Variants in DLG2 observed in about 807,000 individuals in gnomAD.
The protein encoded by DLG2 is disks large homolog 2.
DLG2 carries 45 observed loss-of-function variants against 132.5 expected under a neutral mutation model. The observed-to-expected ratio is 0.34, with a 90% CI of 0.27 to 0.44. The LOEUF is 0.44. Among genes scored for constraint, DLG2 ranks in the 20% least tolerant of loss-of-function variants. DLG2 has a pLI of 1.00. For missense variants in DLG2, 1,045 were observed against 1,196.9 expected, an observed-to-expected ratio of 0.87 and a Z score of 1.87; for synonymous variants, 424 against 419.6, an observed-to-expected ratio of 1.01 and a Z score of -0.13.
chr11:84,620,620 T>C (rs1041214049), intron 6 of DLG2, among the ~76,000 whole-genome samples: 2 of 152,086 alleles, frequency 1.3e-5, no homozygotes, highest in African/African-American at 4.8e-5. Context: ...AATAAAGATA[T>C]TTTTAAAACC....
chr11:85,323,712 G>A (rs1045076119), intron 3 of DLG2, among the ~76,000 whole-genome samples: 12 of 152,126 alleles, frequency 7.9e-5, no homozygotes, highest in Non-Finnish European at 1.5e-4. Flanking sequence ...CCTTCAGGAG[G>A]TGAACTTTTT....
At chr11:84,909,279 T>A (rs1221837081) in intron 6 of DLG2, among the ~76,000 whole-genome samples, 2 of 152,192 alleles carry the variant, frequency 1.3e-5, no homozygotes, top group African/African-American at 2.4e-5. Flanking sequence ...TCCCTTGATC[T>A]TTAAACAGAG....
intron 3 of DLG2, among the ~76,000 whole-genome samples, chr11:85,500,906 T>A (rs2153127422): frequency 1.3e-5 from 2 of 152,324 alleles, no homozygotes; most frequent in Non-Finnish European, 2.9e-5. Flanking sequence ...TTCACAGAAT[T>A]GGAAAAAAAT....
chr11:83,972,427 A>G (rs898594150), intron 12 of DLG2, among the ~76,000 whole-genome samples: 4 of 152,190 alleles, frequency 2.6e-5, no homozygotes, highest in Admixed American at 2.6e-4. Context: ...AGCCATAATC[A>G]GACATCATGC....
intron 11 of DLG2, among the ~76,000 whole-genome samples, chr11:84,054,622 T>C (rs748289613): frequency 6.6e-6 from 1 of 152,074 alleles, no homozygotes; most frequent in Non-Finnish European, 1.5e-5. Context: ...ACCAATGAGA[T>C]GATTGATTCT....
intron 4 of DLG2, among the ~76,000 whole-genome samples, chr11:85,231,731 T>C (rs752586655): frequency 2.0e-5 from 3 of 151,882 alleles, no homozygotes; most frequent in Admixed American, 6.6e-5. Flanking sequence ...TTAGGGGATG[T>C]CTAAGGCAAT....
At chr11:83,492,074 T>G (rs980102070) in intron 21 of DLG2, among the ~76,000 whole-genome samples, 1 of 152,052 alleles carries the variant, frequency 6.6e-6, no homozygotes, top group Non-Finnish European at 1.5e-5. Context: ...GCAGCAAAGA[T>G]CAGATGGCCT....
intron 11 of DLG2, among the ~76,000 whole-genome samples, chr11:84,012,149 T>C (rs2514158): frequency 0.061 from 9,261 of 152,234 alleles, 365 homozygotes; most frequent in Admixed American, 0.12. Context: ...CTGCTAATGC[T>C]ATATTTTGAA....
intron 6 of DLG2, among the ~76,000 whole-genome samples, chr11:84,873,514 C>G (rs1223856218): frequency 6.6e-6 from 1 of 152,114 alleles, no homozygotes; most frequent in Non-Finnish European, 1.5e-5. Context: ...ATATATTTAC[C>G]AAAGCCTTGA....
intron 19 of DLG2, among the ~76,000 whole-genome samples, chr11:83,576,415 C>T (rs1237665273): frequency 1.3e-5 from 2 of 151,944 alleles, no homozygotes; most frequent in African/African-American, 2.4e-5. Context: ...ATATTTTAAT[C>T]CAAGAAGCTT....
chr11:84,200,044 A>C (rs1325216687), intron 8 of DLG2, among the ~76,000 whole-genome samples: 1 of 152,132 alleles, frequency 6.6e-6, no homozygotes, highest in Non-Finnish European at 1.5e-5. Context: ...AAGACTACTA[A>C]GGAATAAAAA....
At chr11:84,525,220 G>C (rs1430943101) in intron 7 of DLG2, among the ~76,000 whole-genome samples, 4 of 152,006 alleles carry the variant, frequency 2.6e-5, no homozygotes, top group African/African-American at 9.7e-5. Flanking sequence ...TTCTAGATCA[G>C]ATCTTTATTT....
intron 17 of DLG2, among the ~76,000 whole-genome samples, chr11:83,793,269 G>C (rs2042030308): frequency 6.6e-6 from 1 of 152,150 alleles, no homozygotes; most frequent in Admixed American, 6.5e-5. Context: ...ATCATAGATA[G>C]AGTGAATTTT....
rs944469518 is a variant in DLG2, at chr11:84,558,737, G to A, written c.358-24006C>T. Among the ~76,000 whole-genome samples the A allele has an allele frequency of 2.0e-5, 3 of 152,038 alleles. No individual in the cohort carries two copies. The East Asian group carries it at 5.8e-4, about 29-fold the overall frequency. ...AGCTCTCAGGGCATAGTCCACCTAC[G>A]CCAAATTCCGTTCAGATGTGTATAA... is the stretch of plus-strand genomic sequence containing the variant. On this transcript the variant is annotated intron_variant, in intron 6 of 27. Coordinates refer to ENST00000376104, the MANE Select transcript of DLG2 (RefSeq NM_001142699.3).
chr11:84,074,416 G>A (rs935736027), intron 10 of DLG2, among the ~76,000 whole-genome samples: 19 of 151,808 alleles, frequency 1.3e-4, no homozygotes, highest in Admixed American at 6.6e-5. Context: ...CCATCTCTAC[G>A]ACTATCACCC....
chr11:85,125,386 T>C (rs2074967375), intron 5 of DLG2, among the ~76,000 whole-genome samples: 1 of 152,208 alleles, frequency 6.6e-6, no homozygotes, highest in Non-Finnish European at 1.5e-5. Context: ...TAACAGATGA[T>C]TGGTATGATT....
At chr11:84,842,959 C>A (rs2080896489) in intron 6 of DLG2, among the ~76,000 whole-genome samples, 1 of 151,878 alleles carries the variant, frequency 6.6e-6, no homozygotes, top group Non-Finnish European at 1.5e-5. Flanking sequence ...TAGATATATT[C>A]CTACCAGTTA....
At chr11:84,998,096 T>A (rs1344677390) in intron 6 of DLG2, among the ~76,000 whole-genome samples, 6 of 152,150 alleles carry the variant, frequency 3.9e-5, no homozygotes, top group Non-Finnish European at 7.3e-5. Flanking sequence ...TGCTGCTTAG[T>A]CTAATTTCTT....
chr11:84,466,770 A>G (rs1021034992), intron 7 of DLG2, among the ~76,000 whole-genome samples: 3 of 151,370 alleles, frequency 2.0e-5, no homozygotes, highest in African/African-American at 4.8e-5. Flanking sequence ...TCCCGTTTAC[A>G]GGATTCTACT....
Sources: allele counts gnomAD v4.1 joint callset (sites outside exome capture counted in the v4.1 genomes callset), GRCh38; gene constraint gnomAD v4.1.1; transcripts MANE v1.5; gene names NCBI Gene and HGNC (gene_info 2026-07-23, HGNC 2026-07-21).